Variants in ACTR3C observed in about 807,000 individuals in gnomAD.
ACTR3C encodes the protein actin-related protein 3C.
Under a neutral mutation model 26.3 loss-of-function variants are expected in ACTR3C, and 18 were observed. The observed-to-expected ratio is 0.68, with a 90% CI of 0.47 to 1.01. The LOEUF (loss-of-function observed/expected upper bound fraction) is 1.01, where lower values mean the gene tolerates loss of function less well. Ranked by LOEUF, ACTR3C falls within the 50% of genes least tolerant of loss-of-function variation. ACTR3C has a pLI of 0.00. For missense variants in ACTR3C, 184 were observed against 250.7 expected (o/e 0.73, Z 1.80); for synonymous variants, 55 against 94.5 (o/e 0.58, Z 2.42).
the ACTR3C span, among the ~76,000 whole-genome samples, chr7:150,033,513 G>A: frequency 6.6e-6 from 1 of 152,292 alleles, no homozygotes; most frequent in Admixed American, 6.5e-5. Flanking sequence ...TACTCCAGGT[G>A]GGTCCTAAGG....
At chr7:150,041,655 G>A in the ACTR3C span, among the ~76,000 whole-genome samples, 1 of 141,442 alleles carries the variant, frequency 7.1e-6, no homozygotes, top group Admixed American at 6.9e-5. Flanking sequence ...CCTGCGATGA[G>A]GGTAGCAACA....
chr7:150,174,631 C>A, the ACTR3C span, among the ~76,000 whole-genome samples: 6 of 134,092 alleles, frequency 4.5e-5, 1 homozygote, highest in Non-Finnish European at 9.1e-5. Flanking sequence ...ACAGTTTCAA[C>A]AAAGTGGACA....
the ACTR3C span, among the ~76,000 whole-genome samples, chr7:150,016,720 C>G: frequency 1.3e-5 from 2 of 152,066 alleles, no homozygotes; most frequent in African/African-American, 4.8e-5. Flanking sequence ...TCTCTGCACT[C>G]TTACTCCCAG....
the ACTR3C span, among the ~76,000 whole-genome samples, chr7:150,091,943 G>GC: frequency 3.0e-4 from 35 of 115,950 alleles, no homozygotes; most frequent in African/African-American, 1.1e-3. Flanking sequence ...AGCCGAGATC[G>GC]CGCCACTGCA....
At chr7:150,120,285 G>T in the ACTR3C span, among the ~76,000 whole-genome samples, 1 of 152,064 alleles carries the variant, frequency 6.6e-6, no homozygotes. Flanking sequence ...AAAAATCAAT[G>T]AATCCAGGAG....
chr7:150,213,457 T>A, the ACTR3C span, among the ~76,000 whole-genome samples: 1 of 152,148 alleles, frequency 6.6e-6, no homozygotes, highest in Admixed American at 6.5e-5. Flanking sequence ...CAAAGCTTCA[T>A]AAAGATATAA....
chr7:150,182,321 G>T, the ACTR3C span, among the ~76,000 whole-genome samples: 1 of 150,806 alleles, frequency 6.6e-6, no homozygotes, highest in East Asian at 1.9e-4. Context: ...GGTTAATTGG[G>T]AATTAGCTAA....
chr7:150,210,666 A>G, the ACTR3C span, among the ~76,000 whole-genome samples: 1 of 148,828 alleles, frequency 6.7e-6, no homozygotes, highest in Non-Finnish European at 1.5e-5. Context: ...AAAATGTTAG[A>G]AAATGGAAAG....
At chr7:150,112,983 G>A in the ACTR3C span, among the ~76,000 whole-genome samples, 1 of 152,146 alleles carries the variant, frequency 6.6e-6, no homozygotes, top group Non-Finnish European at 1.5e-5. Context: ...GGCTGTGAAG[G>A]AGGATGCCAT....
the ACTR3C span, among the ~76,000 whole-genome samples, chr7:149,955,323 C>T: frequency 6.6e-6 from 1 of 152,234 alleles, no homozygotes; most frequent in Non-Finnish European, 1.5e-5. Context: ...GAACAGGCAT[C>T]ACCTGCATCG....
chr7:150,021,139 T>A, the ACTR3C span, among the ~76,000 whole-genome samples: 3 of 151,248 alleles, frequency 2.0e-5, no homozygotes, highest in Non-Finnish European at 4.4e-5. Context: ...TTAAAAAAAA[T>A]ATTTTAAACC....
chr7:150,033,135 G>C, the ACTR3C span, among the ~76,000 whole-genome samples: 1 of 152,110 alleles, frequency 6.6e-6, no homozygotes, highest in East Asian at 1.9e-4. Context: ...AGGTGTATGG[G>C]GGTACAGGGT....
chr7:149,985,722 G>A, the ACTR3C span, among the ~76,000 whole-genome samples: 3 of 152,126 alleles, frequency 2.0e-5, no homozygotes, highest in Non-Finnish European at 1.5e-5. Context: ...ACAACTGAAT[G>A]TGTCTGTCCT....
the ACTR3C span, among the ~76,000 whole-genome samples, chr7:150,123,785 TAGA>T: frequency 6.6e-6 from 1 of 152,162 alleles, no homozygotes; most frequent in African/African-American, 2.4e-5. Flanking sequence ...TCCTGCAGCT[TAGA>T]AGAAGTATGC....
the ACTR3C span, among the ~76,000 whole-genome samples, chr7:150,125,490 T>A: frequency 1.3e-5 from 2 of 151,752 alleles, no homozygotes; most frequent in African/African-American, 2.4e-5. Context: ...TGGGGGGTCC[T>A]GTTTCTAATG....
chr7:149,940,147 C>A, the ACTR3C span, among the ~76,000 whole-genome samples: 1 of 152,176 alleles, frequency 6.6e-6, no homozygotes, highest in Non-Finnish European at 1.5e-5. Context: ...ACCTACCTAC[C>A]TACCTATCTA....
chr7:149,890,177 C>T, the ACTR3C span, among the ~76,000 whole-genome samples: 2 of 152,086 alleles, frequency 1.3e-5, no homozygotes, highest in Non-Finnish European at 2.9e-5. Flanking sequence ...GACCATTTGA[C>T]AATGTACTTG....
chr7:150,157,809 G>A, the ACTR3C span, among the ~76,000 whole-genome samples: 1 of 152,112 alleles, frequency 6.6e-6, no homozygotes, highest in African/African-American at 2.4e-5. Flanking sequence ...TATCCATTCA[G>A]TCATCAATCC....
At chr7:149,929,456 C>T in the ACTR3C span, among the ~76,000 whole-genome samples, 1 of 141,868 alleles carries the variant, frequency 7.0e-6, no homozygotes, top group African/African-American at 2.6e-5. Context: ...AAAAGAGTCA[C>T]CAATGGATAC....
Sources: gnomAD v4.1 joint callset for allele counts (sites outside exome capture counted in the v4.1 genomes callset) on GRCh38, gnomAD v4.1.1 for gene constraint, MANE v1.5 for transcripts, NCBI Gene and HGNC (gene_info 2026-07-23, HGNC 2026-07-21) for gene names.